ALPK2: variants seen among roughly 807,000 people sequenced by gnomAD.
ALPK2 encodes the protein alpha kinase 2.
A neutral mutation model predicts 163.1 loss-of-function variants in ALPK2; 127 were observed. The observed-to-expected ratio is 0.78, with a 90% CI of 0.67 to 0.90. ALPK2 has a LOEUF of 0.90. Ranked by LOEUF, ALPK2 falls within the 40% of genes least tolerant of loss-of-function variation. The pLI is 0.00. For missense variants in ALPK2, 2,360 were observed against 2,589.6 expected (o/e 0.91, Z 1.92); for synonymous variants, 953 against 959.1 (o/e 0.99, Z 0.12).
intron 8 of ALPK2, among the ~76,000 whole-genome samples, chr18:58,521,098 C>A (rs975276829): frequency 2.6e-5 from 4 of 152,210 alleles, no homozygotes; most frequent in Non-Finnish European, 1.5e-5. Context: ...CTTCCCCAGC[C>A]GGGTGAGTCA....
intron 8 of ALPK2, among the ~76,000 whole-genome samples, chr18:58,518,824 C>T (rs1258749427): frequency 6.6e-6 from 1 of 152,172 alleles, no homozygotes; most frequent in African/African-American, 2.4e-5. Flanking sequence ...CTTCCCTCTG[C>T]CCTGTCACTT....
intron 1 of ALPK2, among the ~76,000 whole-genome samples, chr18:58,623,939 T>C (rs1001965379): frequency 5.3e-5 from 8 of 152,218 alleles, no homozygotes. Flanking sequence ...GCTAACTTTA[T>C]AACTAAGGGA....
chr18:58,587,995 G>C (rs746077223), intron 3 of ALPK2, among the ~76,000 whole-genome samples: 1 of 152,160 alleles, frequency 6.6e-6, no homozygotes, highest in African/African-American at 2.4e-5. Context: ...ACCATCATTT[G>C]TCTGTTATTC....
In ALPK2 at chr18:58,607,367, T is replaced by C. The variant is rs373237734; in HGVS notation, c.182A>G (p.Tyr61Cys). The change falls in exon 3 of 13, where the codon TAT becomes TGT. Residue 61 changes from tyrosine to cysteine, a missense_variant. Coordinates refer to ENST00000361673, the MANE Select transcript of ALPK2 (RefSeq NM_052947.4). ...AIDGSGIISNYEFFENQYIHV... is the reference protein window; with the variant it reads ...AIDGSGIISNCEFFENQYIHV... ...AATATACTGATTCTCAAAGAATTCATAGTTGGAAATAATGCCACTCCCATC... is the reference window on the plus strand; with the variant it reads ...AATATACTGATTCTCAAAGAATTCACAGTTGGAAATAATGCCACTCCCATC... 15 of 1,613,696 alleles carry C rather than the reference T, an allele frequency of 9.3e-6. No individual in the cohort carries two copies. In the African/African-American group the frequency reaches 1.7e-4, roughly 19 times the overall value.
intron 12 of ALPK2, among the ~76,000 whole-genome samples, chr18:58,494,738 G>A (rs2051393002): frequency 6.6e-6 from 1 of 152,060 alleles, no homozygotes; most frequent in East Asian, 1.9e-4. Context: ...GAACTTGCTC[G>A]ATCAACCCTT....
intron 8 of ALPK2, among the ~76,000 whole-genome samples, chr18:58,522,040 G>A (rs2051557418): frequency 1.3e-5 from 2 of 152,110 alleles, no homozygotes; most frequent in Non-Finnish European, 1.5e-5. Context: ...CAGGCGTTCT[G>A]TTTGTTTTAA....
chr18:58,548,097 C>A (rs551279219), intron 4 of ALPK2, among the ~76,000 whole-genome samples: 1 of 152,290 alleles, frequency 6.6e-6, no homozygotes, highest in Non-Finnish European at 1.5e-5. Context: ...TACACTAGTA[C>A]TTTGCCTCTT....
chr18:58,616,804 C>T (rs141401420), intron 1 of ALPK2, among the ~76,000 whole-genome samples: 2 of 152,274 alleles, frequency 1.3e-5, no homozygotes, highest in South Asian at 2.1e-4. Flanking sequence ...CTGTGAGCTA[C>T]TCTGGCAAAT....
Position 58,628,871 on chromosome 18 carries a change from G to A in ALPK2, c.-128C>T, listed in dbSNP as rs1223716567. On this transcript the variant is annotated 5_prime_UTR_variant, in exon 1 of 13. Coordinates refer to ENST00000361673, the MANE Select transcript of ALPK2 (RefSeq NM_052947.4). ...TGGGTGTCCCTGTTCCCGGGACAGG[G>A]ATTCAAAGGAGTTTATAGGGCTCAG... The A allele has an allele frequency of 6.6e-6, 1 of 152,222 alleles. No individual in the cohort carries two copies. The highest frequency in any genetic ancestry group is 1.5e-5 in the Non-Finnish European group (1 of 68,072). 9.4% of individuals were successfully genotyped at this position (152,222 alleles called of 1,614,324 possible). A position where few individuals can be genotyped will look rare whatever the true frequency, so the allele number is the denominator to read the frequency against.
intron 12 of ALPK2, among the ~76,000 whole-genome samples, chr18:58,482,680 C>T (rs1180966812): frequency 6.6e-5 from 10 of 152,104 alleles, no homozygotes. Flanking sequence ...TCCAGTAGGC[C>T]CTAAAAGGCT....
chr18:58,576,399 G>T (rs188003897), intron 4 of ALPK2, among the ~76,000 whole-genome samples: 40 of 152,162 alleles, frequency 2.6e-4, no homozygotes, highest in Middle Eastern at 3.4e-3. Context: ...AAAAGAGTGG[G>T]CAAATTTATT....
At chr18:58,512,775 G>T (rs1459789770) in intron 10 of ALPK2, among the ~76,000 whole-genome samples, 3 of 147,524 alleles carry the variant, frequency 2.0e-5, no homozygotes, top group Non-Finnish European at 4.5e-5. Flanking sequence ...TATGTGTGTG[G>T]TGTGTGTGGT....
chr18:58,482,273 G>A (rs561571033), intron 12 of ALPK2, among the ~76,000 whole-genome samples: 48 of 152,194 alleles, frequency 3.2e-4, no homozygotes, highest in African/African-American at 6.0e-4. Flanking sequence ...CAAAGGTCTT[G>A]GAGTATCCAG....
At chr18:58,497,932 G>A (rs2277720) in intron 12 of ALPK2, 117 bp downstream of exon 12, 120,045 of 858,604 alleles carry the variant, frequency 0.14, 9,931 homozygotes, top group East Asian at 0.34. Context: ...AAGAACATTC[G>A]TCATCCACAG....
intron 4 of ALPK2, among the ~76,000 whole-genome samples, chr18:58,549,603 T>C (rs1457176333): frequency 6.6e-6 from 1 of 152,196 alleles, no homozygotes; most frequent in Non-Finnish European, 1.5e-5. Context: ...ACACCTTACT[T>C]CTCAGGTGCC....
At chr18:58,505,480 C>A (rs2051457289) in intron 10 of ALPK2, among the ~76,000 whole-genome samples, 1 of 152,120 alleles carries the variant, frequency 6.6e-6, no homozygotes, top group Non-Finnish European at 1.5e-5. Flanking sequence ...CCTGCTCCAT[C>A]CTGAACCACC....
At chr18:58,625,218 A>T (rs2052223454) in intron 1 of ALPK2, among the ~76,000 whole-genome samples, 1 of 150,790 alleles carries the variant, frequency 6.6e-6, no homozygotes, top group South Asian at 2.1e-4. Flanking sequence ...AAAACTAGAG[A>T]CCATTAGCCT....
chr18:58,593,058 T>C lies in ALPK2; in HGVS notation c.228-12510A>G, dbSNP rs186921221. Among the ~76,000 whole-genome samples the C allele has an allele frequency of 6.8e-4, 103 of 152,294 alleles. 1 individual carries two copies. Among genetic ancestry groups the C allele is most frequent in the Non-Finnish European group, 1.3e-3 (88 of 68,022 alleles). ...CTACTGCTGATTCTGCAGAGGTAGA[T>C]ACATGTCAGGACACCTTTGTCCAAA... On this transcript the variant is annotated intron_variant, in intron 3 of 12. Transcript: ENST00000361673.
rs1184652297 is a variant in ALPK2, at chr18:58,580,182, G to A, written c.594C>T (p.His198=). 1.9e-6 allele frequency: 3 copies of A among 1,614,244 alleles called. No homozygotes were observed. Among genetic ancestry groups the A allele is most frequent in the Non-Finnish European group, 2.5e-6 (3 of 1,180,044 alleles). The part of the protein sequence containing the change: ...ENPLGVKGTR[H]TGEAYDPSNT... ...TACTTGGATCATAAGCCTCTCCAGTGTGCCTTGTTCCTTTAACACCCAAAG... is the reference window on the plus strand; with the variant it reads ...TACTTGGATCATAAGCCTCTCCAGTATGCCTTGTTCCTTTAACACCCAAAG... The change falls in exon 4 of 13, where the codon CAC becomes CAT. Residue 198 remains histidine (H), a synonymous_variant. Coordinates refer to ENST00000361673, the MANE Select transcript of ALPK2 (RefSeq NM_052947.4).
Sources: gnomAD v4.1 joint callset for allele counts (sites outside exome capture counted in the v4.1 genomes callset) on GRCh38, gnomAD v4.1.1 for gene constraint, MANE v1.5 for transcripts, NCBI Gene and HGNC (gene_info 2026-07-23, HGNC 2026-07-21) for gene names.